The following NF1 variants were observed in gnomAD, a reference collection of about 807,000 sequenced individuals.
The protein encoded by NF1 is neurofibromin 1, also known as neurofibromin.
In NF1, 122 loss-of-function variants were observed where a neutral mutation model predicts 325.7. The observed-to-expected ratio is 0.37, with a 90% confidence interval of 0.32 to 0.44. The LOEUF (loss-of-function observed/expected upper bound fraction) is 0.44, where lower values mean the gene tolerates loss of function less well. Ranked by LOEUF, NF1 falls within the 20% of genes least tolerant of loss-of-function variation. NF1 has a pLI of 1.00. For missense variants in NF1, 2,140 were observed against 3,415.4 expected, an observed-to-expected ratio of 0.63 and a Z score of 9.31; for synonymous variants, 1,091 against 1,186.0, an observed-to-expected ratio of 0.92 and a Z score of 1.65.
At chr17:31,197,161 C>G (rs2905871) in intron 8 of NF1, among the ~76,000 whole-genome samples, 84,480 of 151,268 alleles carry the variant, frequency 0.56, 26,296 homozygotes, top group Middle Eastern at 0.78. Context: ...TCTACTGCCT[C>G]AGCCTCCCAA....
At chr17:31,163,736 T>TA (rs1157885372) in intron 4 of NF1, among the ~76,000 whole-genome samples, 2 of 152,174 alleles carry the variant, frequency 1.3e-5, no homozygotes, top group Non-Finnish European at 2.9e-5. Flanking sequence ...AAAACAATAC[T>TA]AGGTATGAAC....
In NF1 at chr17:31,181,627, A is replaced by G. The variant is rs17882509; in HGVS notation, c.655-83A>G. On this transcript the variant is annotated intron_variant, in intron 6 of 57. Coordinates refer to ENST00000358273, the MANE Select transcript of NF1 (RefSeq NM_001042492.3). ...AGGAAGAATACATTGTAATATTATTATGAAGGAAGTTAGAAGTTTGTGACA... is the reference window on the plus strand; with the variant it reads ...AGGAAGAATACATTGTAATATTATTGTGAAGGAAGTTAGAAGTTTGTGACA... 3,763 of 1,270,460 alleles carry G rather than the reference A, an allele frequency of 3.0e-3. 91 individuals carry two copies. In the African/African-American group the frequency reaches 0.048, roughly 16 times the overall value. 78.7% of individuals were successfully genotyped at this position (1,270,460 alleles called of 1,614,324 possible). A position where few individuals can be genotyped will look rare whatever the true frequency, so the allele number is the denominator to read the frequency against.
At chr17:31,304,321 G>T in intron 36 of NF1, 3 of 1,614,076 alleles carry the variant, frequency 1.9e-6, no homozygotes, top group South Asian at 2.2e-5. Context: ...ATCAGAGTTG[G>T]GAGGAATAGA....
In NF1 at chr17:31,181,801, A is replaced by ATTTT. The variant is rs71142032; in HGVS notation, c.730+29_730+32dup. 119 of 1,218,766 alleles carry ATTTT rather than the reference A, an allele frequency of 9.8e-5. No individual in the cohort carries two copies. The highest frequency in any genetic ancestry group is 4.9e-4 in the Middle Eastern group (2 of 4,054). 75.5% of individuals were successfully genotyped at this position (1,218,766 alleles called of 1,614,324 possible). A position where few individuals can be genotyped will look rare whatever the true frequency, so the allele number is the denominator to read the frequency against. The stretch of plus-strand genomic sequence containing the variant: ...GATATGGCTGGTAAGGATACGATTG[A>ATTTT]TTTTTTTTTTTTTTTTGTCTTTTAA... On this transcript the variant is annotated intron_variant, in intron 7 of 57. Transcript: ENST00000358273.
At chr17:31,124,592 ATT>A (rs35335433) in intron 1 of NF1, among the ~76,000 whole-genome samples, 22 of 62,940 alleles carry the variant, frequency 3.5e-4, no homozygotes, top group African/African-American at 1.1e-3. Flanking sequence ...GTATTCTTGA[ATT>A]TTTTTTTTTT....
At chr17:31,187,146 A>T (rs1288771545) in intron 8 of NF1, among the ~76,000 whole-genome samples, 5 of 152,146 alleles carry the variant, frequency 3.3e-5, no homozygotes, top group African/African-American at 1.2e-4. Flanking sequence ...CAAGGCACTC[A>T]CTTTACAGCT....
intron 36 of NF1, among the ~76,000 whole-genome samples, chr17:31,313,586 A>T (rs1440529906): frequency 3.3e-5 from 5 of 151,822 alleles, no homozygotes; most frequent in African/African-American, 1.2e-4. Context: ...GGCGCCTGTA[A>T]TCCGAGCTAC....
chr17:31,204,197 T>C (rs1237897763), intron 11 of NF1, among the ~76,000 whole-genome samples: 2 of 152,142 alleles, frequency 1.3e-5, no homozygotes, highest in African/African-American at 4.8e-5. Flanking sequence ...TGGTACATGC[T>C]ATAGCTGGTA....
intron 1 of NF1, among the ~76,000 whole-genome samples, chr17:31,119,101 C>A (rs1018062568): frequency 6.6e-6 from 1 of 152,030 alleles, no homozygotes; most frequent in Non-Finnish European, 1.5e-5. Flanking sequence ...GCCACCACAC[C>A]CAGCTAATTT....
At chr17:31,278,541 TATTA>T (rs2068057628) in intron 36 of NF1, among the ~76,000 whole-genome samples, 1 of 140,276 alleles carries the variant, frequency 7.1e-6, no homozygotes, top group East Asian at 2.2e-4. Context: ...TAGAAAATCC[TATTA>T]AGTTTTATGC....
At chr17:31,334,668 G>A (rs1015326493) in intron 39 of NF1, 170 bp from the exon 40 acceptor site, 22 of 615,066 alleles carry the variant, frequency 3.6e-5, no homozygotes, top group African/African-American at 2.8e-4. Flanking sequence ...TTCAAGGACT[G>A]TTCTTTCTTC....
intron 1 of NF1, among the ~76,000 whole-genome samples, chr17:31,099,293 A>G (rs566988798): frequency 6.6e-6 from 1 of 152,248 alleles, no homozygotes; most frequent in African/African-American, 2.4e-5. Flanking sequence ...TGCCATATTG[A>G]CATTTTGAGC....
intron 47 of NF1, among the ~76,000 whole-genome samples, chr17:31,342,332 G>A (rs1014655736): frequency 2.0e-5 from 3 of 152,078 alleles, no homozygotes; most frequent in Admixed American, 6.6e-5. Context: ...GTGCAATGGC[G>A]CATGTTTGTA....
chr17:31,170,034 C>G (rs768395140), intron 5 of NF1, 37 bp downstream of exon 5: 2 of 1,385,876 alleles, frequency 1.4e-6, no homozygotes, highest in South Asian at 2.3e-5. Context: ...AAAAAAATCA[C>G]TGGGTCAAAA....
chr17:31,178,003 A>G (rs1016377981), intron 5 of NF1, among the ~76,000 whole-genome samples: 16 of 152,192 alleles, frequency 1.1e-4, no homozygotes, highest in Non-Finnish European at 2.4e-4. Flanking sequence ...ATTCAAATTC[A>G]GGAAATACAG....
intron 36 of NF1, among the ~76,000 whole-genome samples, chr17:31,300,660 G>T (rs1344579065): frequency 6.6e-6 from 1 of 152,070 alleles, no homozygotes; most frequent in African/African-American, 2.4e-5. Flanking sequence ...CTTTGAAAAA[G>T]ATTCCTAGAA....
At chr17:31,251,186 G>A in intron 30 of NF1, 1 of 202,522 alleles carries the variant, frequency 4.9e-6, no homozygotes. Context: ...TCCCTCTTCT[G>A]GCTTTTTCTT....
chr17:31,369,267 C>G (rs1325357071), intron 57 of NF1, among the ~76,000 whole-genome samples: 1 of 152,206 alleles, frequency 6.6e-6, no homozygotes, highest in Non-Finnish European at 1.5e-5. Context: ...AGATAGACAT[C>G]TAACTTAAAT....
chr17:31,326,949 T>C (rs1179390590), intron 37 of NF1, among the ~76,000 whole-genome samples: 2 of 152,084 alleles, frequency 1.3e-5, no homozygotes, highest in Non-Finnish European at 2.9e-5. Context: ...TTTTTTGATA[T>C]GGAGTCTCAC....
Sources: allele counts gnomAD v4.1 joint callset (sites outside exome capture counted in the v4.1 genomes callset), GRCh38; gene constraint gnomAD v4.1.1; transcripts MANE v1.5; gene names NCBI Gene and HGNC (gene_info 2026-07-23, HGNC 2026-07-21).